Variants in ZC3H12B observed in about 807,000 individuals in gnomAD.
The protein encoded by ZC3H12B is zinc finger CCCH-type containing 12B.
ZC3H12B carries 7 observed loss-of-function variants against 43.9 expected under a neutral mutation model. The observed-to-expected ratio is 0.16, with a 90% confidence interval of 0.09 to 0.30. The LOEUF is 0.30. ZC3H12B is among the 10% of genes least tolerant of loss of function. The pLI is 1.00. For missense variants in ZC3H12B, 475 were observed against 670.2 expected (o/e 0.71, Z 3.22); for synonymous variants, 222 against 241.7 (o/e 0.92, Z 0.76).
the ZC3H12B span, among the ~76,000 whole-genome samples, chrX:65,203,700 G>A: frequency 2.2e-4 from 25 of 111,126 alleles, no homozygotes; most frequent in African/African-American, 7.5e-4. Flanking sequence ...CTGGAGCTGC[G>A]GGATTGGTGT....
chrX:65,448,094 G>A (rs1602454620), intron 3 of ZC3H12B, among the ~76,000 whole-genome samples: 1 of 110,898 alleles, frequency 9.0e-6, no homozygotes, highest in East Asian at 2.8e-4. Context: ...AATTAGCCGG[G>A]TGTGGTGGTG....
the ZC3H12B span, among the ~76,000 whole-genome samples, chrX:65,152,750 A>G: frequency 1.8e-5 from 2 of 111,662 alleles, no homozygotes; most frequent in African/African-American, 3.3e-5. Flanking sequence ...TTCATATGGA[A>G]CCAAAAAAGA....
At chrX:65,049,843 T>A in the ZC3H12B span, among the ~76,000 whole-genome samples, 1 of 111,658 alleles carries the variant, frequency 9.0e-6, no homozygotes, top group African/African-American at 3.2e-5. Flanking sequence ...TTTAGTTTCT[T>A]CCAACAATGT....
intron 3 of ZC3H12B, among the ~76,000 whole-genome samples, chrX:65,432,596 C>T (rs2067175966): frequency 8.9e-6 from 1 of 111,751 alleles, no homozygotes; most frequent in Admixed American, 9.5e-5. Context: ...TTTTGGGCCA[C>T]CCCATAAATG....
At chrX:65,110,423 G>C in the ZC3H12B span, among the ~76,000 whole-genome samples, 3 of 104,029 alleles carry the variant, frequency 2.9e-5, no homozygotes, top group African/African-American at 1.1e-4. Flanking sequence ...TTTATAGTTT[G>C]TTGTATTACA....
chrX:65,163,657 T>G, the ZC3H12B span, among the ~76,000 whole-genome samples: 1 of 111,711 alleles, frequency 9.0e-6, no homozygotes, highest in South Asian at 3.7e-4. Flanking sequence ...GACCTGATTT[T>G]CCAGGTGCCA....
intron 3 of ZC3H12B, among the ~76,000 whole-genome samples, chrX:65,401,091 A>G (rs1602384245): frequency 1.8e-5 from 2 of 110,551 alleles, no homozygotes; most frequent in African/African-American, 6.6e-5. Flanking sequence ...AGGAAAAAAA[A>G]AAAAAACACC....
chrX:65,039,261 C>T, the ZC3H12B span, among the ~76,000 whole-genome samples: 1 of 111,500 alleles, frequency 9.0e-6, no homozygotes, highest in African/African-American at 3.3e-5. Flanking sequence ...CTGACTCATT[C>T]GTATTTTCCT....
At chrX:65,250,390 TA>T in the ZC3H12B span, among the ~76,000 whole-genome samples, 31 of 112,133 alleles carry the variant, frequency 2.8e-4, no homozygotes, top group Admixed American at 2.6e-3. Flanking sequence ...AGTGCCACAA[TA>T]AACATACATG....
intron 3 of ZC3H12B, among the ~76,000 whole-genome samples, chrX:65,454,670 G>A (rs753787685): frequency 2.9e-4 from 32 of 111,777 alleles, no homozygotes; most frequent in Non-Finnish European, 5.1e-4. Flanking sequence ...GAGGATGGAC[G>A]GACTGCCTCC....
chrX:65,110,477 A>G, the ZC3H12B span, among the ~76,000 whole-genome samples: 2 of 109,804 alleles, frequency 1.8e-5, no homozygotes, highest in African/African-American at 6.6e-5. Flanking sequence ...TATAAGACAT[A>G]AGAATCAGAT....
chrX:65,488,049 T>C (rs1337315049), upstream of ZC3H12B, among the ~76,000 whole-genome samples: 1 of 110,753 alleles, frequency 9.0e-6, no homozygotes, highest in Non-Finnish European at 1.9e-5. Flanking sequence ...ATTTTTGTAT[T>C]TTTAGTAGAG....
the ZC3H12B span, among the ~76,000 whole-genome samples, chrX:65,354,214 G>C: frequency 8.9e-6 from 1 of 111,754 alleles, no homozygotes; most frequent in African/African-American, 3.3e-5. Flanking sequence ...TTGTACAGGA[G>C]AGCTGGCATC....
chrX:65,390,635 A>G (rs1479727889), intron 2 of ZC3H12B, among the ~76,000 whole-genome samples: 1 of 102,728 alleles, frequency 9.7e-6, no homozygotes, highest in Non-Finnish European at 2.0e-5. Context: ...TTCAACCCCC[A>G]CCCCCACCTT....
intron 4 of ZC3H12B, among the ~76,000 whole-genome samples, 180 bp downstream of exon 9, chrX:65,500,169 A>G (rs906724515): frequency 3.6e-5 from 4 of 112,499 alleles, no homozygotes; most frequent in Non-Finnish European, 7.5e-5. Flanking sequence ...TTAGAAACTG[A>G]ATGAGGAAAA....
intron 3 of ZC3H12B, among the ~76,000 whole-genome samples, chrX:65,423,926 T>C (rs992451335): frequency 8.9e-6 from 1 of 111,957 alleles, no homozygotes; most frequent in Non-Finnish European, 1.9e-5. Flanking sequence ...ATAGCTCTTA[T>C]TATTTTGAGA....
the ZC3H12B span, among the ~76,000 whole-genome samples, chrX:65,280,123 C>T: frequency 4.5e-5 from 5 of 111,909 alleles, no homozygotes; most frequent in African/African-American, 1.3e-4. Context: ...CATGTCAATA[C>T]CCCTGACAAA....
At chrX:65,118,609 A>C in the ZC3H12B span, among the ~76,000 whole-genome samples, 2 of 110,897 alleles carry the variant, frequency 1.8e-5, no homozygotes, top group East Asian at 5.7e-4. Flanking sequence ...GTTGAATAAG[A>C]GTGGTGAGAG....
Position 65,403,761 on chromosome X carries a change from C to CT in ZC3H12B, n.407+5057_407+5058insT, listed in dbSNP as rs2066790730. Among the ~76,000 whole-genome samples the CT allele has an allele frequency of 3.6e-5, 4 of 111,282 alleles. No individual in the cohort carries two copies. The Admixed American group carries it at 3.8e-4, about 11-fold the overall frequency. On this transcript the variant is annotated intron_variant and non_coding_transcript_variant, in intron 3 of 5. Transcript: ENST00000617377. The stretch of plus-strand genomic sequence containing the variant: ...ATCATGAAGGAGAAATAAAGACTTC[C>CT]ACAGACTAACAAAAGCTGAGGGATT...
Sources: gnomAD v4.1 joint callset for allele counts (sites outside exome capture counted in the v4.1 genomes callset) on GRCh38, gnomAD v4.1.1 for gene constraint, MANE v1.5 for transcripts, NCBI Gene and HGNC (gene_info 2026-07-23, HGNC 2026-07-21) for gene names.